The following CSMD1 variants were observed in gnomAD, a reference collection of about 807,000 sequenced individuals.
CSMD1 encodes the protein CUB and sushi domain-containing protein 1.
A neutral mutation model predicts 417.5 loss-of-function variants in CSMD1; 213 were observed. That is an observed-to-expected ratio of 0.51 (90% CI 0.46 to 0.57). CSMD1 has a LOEUF of 0.57. Ranked by LOEUF, CSMD1 falls within the 20% of genes least tolerant of loss-of-function variation. The pLI, the probability that CSMD1 is intolerant of heterozygous loss-of-function variation, is 0.00. For missense variants in CSMD1, 6,923 were observed against 4,529.7 expected, an observed-to-expected ratio of 1.53 and a Z score of -15.17; for synonymous variants, 2,862 against 1,736.8, an observed-to-expected ratio of 1.65 and a Z score of -16.11.
intron 2 of CSMD1, among the ~76,000 whole-genome samples, chr8:4,509,528 G>C (rs1003419166): frequency 6.6e-6 from 1 of 152,176 alleles, no homozygotes; most frequent in African/African-American, 2.4e-5. Flanking sequence ...CTGTAATAGA[G>C]AGGAAATCAC....
intron 3 of CSMD1, among the ~76,000 whole-genome samples, chr8:4,103,109 C>T (rs374325612): frequency 2.6e-5 from 4 of 152,226 alleles, no homozygotes; most frequent in African/African-American, 9.6e-5. Context: ...AAAGTGGATT[C>T]TATCTCTGAA....
chr8:3,361,620 C>G (rs1215543965), intron 20 of CSMD1, among the ~76,000 whole-genome samples: 1 of 109,924 alleles, frequency 9.1e-6, no homozygotes, highest in Non-Finnish European at 1.7e-5. Flanking sequence ...CCACTGCATT[C>G]AAGCCTGGGC....
intron 5 of CSMD1, among the ~76,000 whole-genome samples, chr8:3,826,073 C>G (rs77680503): frequency 1.4e-3 from 213 of 152,270 alleles, no homozygotes; most frequent in African/African-American, 4.8e-3. Context: ...TCTTTTGTAA[C>G]ACCCAAGCTA....
chr8:4,698,133 G>C (rs1289655428), intron 1 of CSMD1, among the ~76,000 whole-genome samples: 1 of 88,696 alleles, frequency 1.1e-5, no homozygotes, highest in East Asian at 3.4e-4. Flanking sequence ...TTTGAATACT[G>C]GGTTTTTTTT....
At chr8:4,178,227 C>A (rs767926562) in intron 3 of CSMD1, among the ~76,000 whole-genome samples, 68 of 152,180 alleles carry the variant, frequency 4.5e-4, no homozygotes, top group Non-Finnish European at 8.2e-4. Flanking sequence ...AAAAGCTAAT[C>A]CACTATCATC....
At chr8:3,037,597 T>C (rs1032537635) in intron 50 of CSMD1, among the ~76,000 whole-genome samples, 4 of 152,154 alleles carry the variant, frequency 2.6e-5, no homozygotes, top group Non-Finnish European at 5.9e-5. Flanking sequence ...ACTTCTCTTC[T>C]TTTGGGTAGA....
chr8:3,537,095 C>G (rs148036012), intron 10 of CSMD1, among the ~76,000 whole-genome samples: 1 of 152,126 alleles, frequency 6.6e-6, no homozygotes, highest in African/African-American at 2.4e-5. Flanking sequence ...CCTCCGCCTC[C>G]TGGGTTCCAG....
At chr8:4,621,036 C>A (rs1801750536) in intron 2 of CSMD1, among the ~76,000 whole-genome samples, 1 of 151,854 alleles carries the variant, frequency 6.6e-6, no homozygotes. Context: ...ATGAAAAATC[C>A]ATTTTTATCA....
intron 26 of CSMD1, among the ~76,000 whole-genome samples, chr8:3,249,717 T>C (rs1800132509): frequency 6.6e-6 from 1 of 151,778 alleles, no homozygotes; most frequent in South Asian, 2.1e-4. Flanking sequence ...TAGACATTTA[T>C]AATAAGCTCC....
At chr8:4,126,159 C>A (rs1802752494) in intron 3 of CSMD1, among the ~76,000 whole-genome samples, 1 of 152,102 alleles carries the variant, frequency 6.6e-6, no homozygotes, top group Non-Finnish European at 1.5e-5. Context: ...CTACCCACTT[C>A]CCAAGCCCCC....
At chr8:2,953,650 A>G (rs1255558767) in intron 65 of CSMD1, among the ~76,000 whole-genome samples, 3 of 152,212 alleles carry the variant, frequency 2.0e-5, no homozygotes, top group Non-Finnish European at 2.9e-5. Context: ...GATTTTGTAT[A>G]GTAAAAACTT....
intron 17 of CSMD1, among the ~76,000 whole-genome samples, chr8:3,389,563 A>C (rs186265181): frequency 2.0e-5 from 3 of 152,314 alleles, no homozygotes; most frequent in Non-Finnish European, 4.4e-5. Flanking sequence ...GTGGTCACTA[A>C]ACAACAGTGT....
At chr8:4,417,162 G>C (rs1331550538) in intron 3 of CSMD1, among the ~76,000 whole-genome samples, 1 of 151,968 alleles carries the variant, frequency 6.6e-6, no homozygotes. Context: ...TATTCAGAAA[G>C]TCAAATACTG....
intron 2 of CSMD1, among the ~76,000 whole-genome samples, chr8:4,565,928 G>T (rs1397317774): frequency 6.6e-6 from 1 of 151,556 alleles, no homozygotes; most frequent in African/African-American, 2.4e-5. Flanking sequence ...TTCAATGAGT[G>T]AAAAATTATT....
intron 5 of CSMD1, among the ~76,000 whole-genome samples, chr8:3,958,375 A>G (rs1812111700): frequency 6.9e-6 from 1 of 144,394 alleles, no homozygotes; most frequent in Admixed American, 7.1e-5. Context: ...AAGCTGTTTC[A>G]CTCTCTAGGA....
At position 4,579,392 on chromosome 8, in the gene CSMD1, C is replaced by G. The variant is rs530346078; in HGVS notation, c.302+57950G>C. 2.6e-5 allele frequency among the ~76,000 whole-genome samples: 4 copies of G among 151,930 alleles called. 1 individual carries two copies. The highest frequency in any genetic ancestry group is 4.2e-4 in the South Asian group (2 of 4,814). On this transcript the variant is annotated intron_variant, in intron 2 of 69. Coordinates refer to ENST00000635120, the MANE Select transcript of CSMD1 (RefSeq NM_033225.6). Reference sequence around the variant, plus strand: ...TGTGTATGTTTGACAGAATTTTGCTCTCATCCTCCAGGCTGGTGTACAATG... The same window carrying G: ...TGTGTATGTTTGACAGAATTTTGCTGTCATCCTCCAGGCTGGTGTACAATG...
chr8:4,284,792 C>T (rs1204212378), intron 3 of CSMD1, among the ~76,000 whole-genome samples: 1 of 152,074 alleles, frequency 6.6e-6, no homozygotes, highest in Non-Finnish European at 1.5e-5. Context: ...AAAAACCACA[C>T]ATATTTTACA....
intron 25 of CSMD1, among the ~76,000 whole-genome samples, chr8:3,302,226 C>G (rs1020972417): frequency 6.6e-6 from 1 of 152,160 alleles, no homozygotes; most frequent in African/African-American, 2.4e-5. Context: ...AAGTTTGGAT[C>G]AGCTTCCACC....
chr8:4,887,153 A>T (rs929596453), intron 1 of CSMD1, among the ~76,000 whole-genome samples: 2 of 152,066 alleles, frequency 1.3e-5, no homozygotes, highest in African/African-American at 4.8e-5. Flanking sequence ...CCTGCATTCC[A>T]TAAGATCTGA....
Sources: gnomAD v4.1 joint callset for allele counts (sites outside exome capture counted in the v4.1 genomes callset) on GRCh38, gnomAD v4.1.1 for gene constraint, MANE v1.5 for transcripts, NCBI Gene and HGNC (gene_info 2026-07-23, HGNC 2026-07-21) for gene names.